Variants in STRN observed in about 807,000 individuals in gnomAD.
The protein encoded by STRN is striatin.
A neutral mutation model predicts 96.3 loss-of-function variants in STRN; 53 were observed. The ratio of observed to expected loss-of-function variants is 0.55; its 90% confidence interval spans 0.44 to 0.69. STRN has a LOEUF of 0.69. Among genes scored for constraint, STRN ranks in the 30% least tolerant of loss-of-function variants. The pLI is 0.00. For missense variants in STRN, 987 were observed against 963.9 expected, an observed-to-expected ratio of 1.02 and a Z score of -0.32; for synonymous variants, 428 against 355.9, an observed-to-expected ratio of 1.20 and a Z score of -2.28.
chr2:36,943,326 G>C (rs1047701316), intron 1 of STRN, among the ~76,000 whole-genome samples: 1 of 151,428 alleles, frequency 6.6e-6, no homozygotes, highest in Non-Finnish European at 1.5e-5. Context: ...GAGACAGAAA[G>C]ATAAGCAAAA....
At chr2:36,879,487 T>C (rs184374979) in intron 9 of STRN, among the ~76,000 whole-genome samples, 1 of 152,238 alleles carries the variant, frequency 6.6e-6, no homozygotes, top group Non-Finnish European at 1.5e-5. Context: ...ATTTTGAACA[T>C]AACAATCCAA....
chr2:36,943,513 A>T (rs1670899016), intron 1 of STRN, among the ~76,000 whole-genome samples: 1 of 152,136 alleles, frequency 6.6e-6, no homozygotes, highest in Non-Finnish European at 1.5e-5. Flanking sequence ...GACATAAAAC[A>T]GTTAAAATAG....
intron 12 of STRN, among the ~76,000 whole-genome samples, chr2:36,867,142 T>C (rs1202390594): frequency 6.6e-6 from 1 of 152,212 alleles, no homozygotes; most frequent in Non-Finnish European, 1.5e-5. Context: ...TAACTAATTG[T>C]GTTTCTGTGG....
At chr2:36,920,736 C>A (rs1670230556) in intron 2 of STRN, among the ~76,000 whole-genome samples, 1 of 151,768 alleles carries the variant, frequency 6.6e-6, no homozygotes, top group Admixed American at 6.6e-5. Context: ...CTAGATTCAG[C>A]CAGTTCCTTA....
chr2:36,939,816 T>C (rs970594490), intron 1 of STRN, among the ~76,000 whole-genome samples: 15 of 152,176 alleles, frequency 9.9e-5, no homozygotes, highest in Admixed American at 5.9e-4. Context: ...TGATTCAAAA[T>C]AGTGTAACAA....
rs969001149 is a variant in STRN, at chr2:36,902,846, G to C, written c.492-95C>G. ...AAGTATTTATTTAAACTCATTGCCTGCATAAGACTTAACAGTACAGTACTA... is the reference window on the plus strand; with the variant it reads ...AAGTATTTATTTAAACTCATTGCCTCCATAAGACTTAACAGTACAGTACTA... On this transcript the variant is annotated intron_variant, in intron 4 of 17. Transcript: ENST00000263918. 2.5e-5 allele frequency: 26 copies of C among 1,057,802 alleles called. No individual in the cohort carries two copies. The Admixed American group carries it at 4.7e-4, about 19-fold the overall frequency. 65.5% of individuals were successfully genotyped at this position (1,057,802 alleles called of 1,614,324 possible). A position where few individuals can be genotyped will look rare whatever the true frequency, so the allele number is the denominator to read the frequency against.
In STRN at chr2:36,877,948, T is replaced by A; in HGVS notation, c.1266A>T (p.Gly422=). ...GADEALESEL[G]LGELAGLTVA... is the part of the protein sequence containing the mutation. Reference sequence around the variant, plus strand: ...CCGTAAGGCCTGCTAGTTCTCCAAGTCCCAGTTCACTTTCAAGGGCTTCAT... The same window carrying A: ...CCGTAAGGCCTGCTAGTTCTCCAAGACCCAGTTCACTTTCAAGGGCTTCAT... Residue 422 remains glycine, a synonymous_variant, in exon 10 of 18, where the codon GGA becomes GGT. Transcript: ENST00000263918. 1.9e-6 allele frequency: 3 copies of A among 1,614,170 alleles called. No homozygotes were observed. The highest frequency in any genetic ancestry group is 2.5e-6 in the Non-Finnish European group (3 of 1,180,014).
chr2:36,879,875 A>G (rs1669021395), intron 9 of STRN, among the ~76,000 whole-genome samples: 1 of 152,046 alleles, frequency 6.6e-6, no homozygotes, highest in South Asian at 2.1e-4. Flanking sequence ...CATGCCTGTA[A>G]TCTTAGTGTT....
Position 36,877,788 on chromosome 2 carries a change from G to A in STRN, c.1323+103C>T, listed in dbSNP as rs567772878. On this transcript the variant is annotated intron_variant, in intron 10 of 17. Transcript: ENST00000263918. ...TGACCTCAAGTGATCCGCCCACCTCGGCCTCCCAAAGTGCTGGATTACAGG... is the reference window on the plus strand; with the variant it reads ...TGACCTCAAGTGATCCGCCCACCTCAGCCTCCCAAAGTGCTGGATTACAGG... 481 of 1,316,754 alleles carry A rather than the reference G, an allele frequency of 3.7e-4. 9 individuals are homozygous for A. The South Asian group carries it at 6.0e-3, about 16-fold the overall frequency. 81.6% of individuals were successfully genotyped at this position (1,316,754 alleles called of 1,614,324 possible). A position where few individuals can be genotyped will look rare whatever the true frequency, so the allele number is the denominator to read the frequency against.
chr2:36,857,546 T>C (rs567301216), intron 14 of STRN, among the ~76,000 whole-genome samples: 8 of 151,640 alleles, frequency 5.3e-5, no homozygotes, highest in Non-Finnish European at 1.0e-4. Context: ...AGCGTGGTGG[T>C]GTGTGCTGGA....
intron 4 of STRN, 37 bp downstream of exon 4, chr2:36,905,503 C>A: frequency 6.4e-7 from 1 of 1,574,006 alleles, no homozygotes; most frequent in South Asian, 1.1e-5. Context: ...TGTTTCTTGT[C>A]TTCAGCCATT....
At chr2:36,860,221 T>C (rs1455908548) in intron 13 of STRN, among the ~76,000 whole-genome samples, 2 of 152,004 alleles carry the variant, frequency 1.3e-5, no homozygotes, top group East Asian at 3.9e-4. Flanking sequence ...GAGATTCGAG[T>C]ACAGTCACAA....
At chr2:36,861,397 C>T (rs1446526355) in intron 12 of STRN, 144 bp from the exon 13 acceptor site, 3 of 1,118,962 alleles carry the variant, frequency 2.7e-6, no homozygotes, top group Non-Finnish European at 2.5e-6. Context: ...ACTATCAAAG[C>T]ACTGTTCATT....
At chr2:36,882,735 CTCTAA>C (rs1368717141) in intron 9 of STRN, among the ~76,000 whole-genome samples, 1 of 152,132 alleles carries the variant, frequency 6.6e-6, no homozygotes, top group African/African-American at 2.4e-5. Context: ...CGCCACTGCA[CTCTAA>C]TCTGAGTGAC....
At chr2:36,850,873 A>C (rs1668202712) in intron 16 of STRN, 127 bp downstream of exon 16, 1 of 596,762 alleles carries the variant, frequency 1.7e-6, no homozygotes, top group Admixed American at 3.1e-5. Flanking sequence ...CTGAGACGGG[A>C]GAGTATTTGG....
intron 1 of STRN, among the ~76,000 whole-genome samples, chr2:36,950,626 C>G (rs559456586): frequency 6.6e-6 from 1 of 152,304 alleles, no homozygotes; most frequent in African/African-American, 2.4e-5. Context: ...AAGACCATAT[C>G]TGCCTCTTCT....
chr2:36,932,642 G>T (rs1034259413), intron 1 of STRN, among the ~76,000 whole-genome samples: 1 of 152,028 alleles, frequency 6.6e-6, no homozygotes, highest in Non-Finnish European at 1.5e-5. Flanking sequence ...TCTCTTTGCT[G>T]CCAGGTTAGG....
chr2:36,950,168 A>T (rs1216931826), intron 1 of STRN, among the ~76,000 whole-genome samples: 1 of 151,192 alleles, frequency 6.6e-6, no homozygotes, highest in Admixed American at 6.6e-5. Context: ...AAGGGAGCTG[A>T]GAAAGGGGTT....
intron 12 of STRN, among the ~76,000 whole-genome samples, chr2:36,865,383 G>A (rs1668595130): frequency 6.6e-6 from 1 of 151,850 alleles, no homozygotes; most frequent in Non-Finnish European, 1.5e-5. Flanking sequence ...TATTAGTTTA[G>A]CTAGTGGTCT....
Sources: gnomAD v4.1 joint callset for allele counts (sites outside exome capture counted in the v4.1 genomes callset) on GRCh38, gnomAD v4.1.1 for gene constraint, MANE v1.5 for transcripts, NCBI Gene and HGNC (gene_info 2026-07-23, HGNC 2026-07-21) for gene names.